PTPRN2: variants seen among roughly 807,000 people sequenced by gnomAD.
PTPRN2 encodes the protein receptor-type tyrosine-protein phosphatase N2.
Under a neutral mutation model 118.8 loss-of-function variants are expected in PTPRN2, and 74 were observed. The ratio of observed to expected loss-of-function variants is 0.62; its 90% confidence interval spans 0.52 to 0.76. The LOEUF (loss-of-function observed/expected upper bound fraction) is 0.76, where lower values mean the gene tolerates loss of function less well. PTPRN2 is among the 30% of genes least tolerant of loss of function. The pLI is 0.00. For synonymous variants in PTPRN2, 641 were observed against 608.0 expected (o/e 1.05, Z -0.80); for missense variants, 1,481 against 1,394.4 (o/e 1.06, Z -0.99).
At chr7:158,051,923 G>A (rs1410854972) in intron 11 of PTPRN2, among the ~76,000 whole-genome samples, 2 of 152,214 alleles carry the variant, frequency 1.3e-5, no homozygotes, top group African/African-American at 4.8e-5. Flanking sequence ...ACCTGGTAGA[G>A]AGCGAGGAAG....
At chr7:157,551,210 G>A (rs1344218363) in intron 21 of PTPRN2, among the ~76,000 whole-genome samples, 1 of 152,120 alleles carries the variant, frequency 6.6e-6, no homozygotes, top group East Asian at 1.9e-4. Context: ...ATTCGTGCTT[G>A]AGCCAAAACA....
At chr7:158,329,085 C>G (rs747563437) in intron 2 of PTPRN2, among the ~76,000 whole-genome samples, 21 of 152,184 alleles carry the variant, frequency 1.4e-4, no homozygotes, top group Non-Finnish European at 2.8e-4. Flanking sequence ...CCTGGGATGG[C>G]AAATCCAGCG....
chr7:157,744,390 C>T (rs986546151), intron 12 of PTPRN2, among the ~76,000 whole-genome samples: 2 of 152,266 alleles, frequency 1.3e-5, no homozygotes, highest in East Asian at 1.9e-4. Flanking sequence ...ACCTGGCGCC[C>T]GTTCAACAGA....
intron 13 of PTPRN2, among the ~76,000 whole-genome samples, chr7:157,679,367 C>A (rs929659666): frequency 6.6e-6 from 1 of 152,098 alleles, no homozygotes; most frequent in Non-Finnish European, 1.5e-5. Flanking sequence ...CCAGTCTGAG[C>A]AAATTAAACT....
At chr7:157,685,508 C>A (rs1382600885) in intron 12 of PTPRN2, among the ~76,000 whole-genome samples, 1 of 152,084 alleles carries the variant, frequency 6.6e-6, no homozygotes, top group African/African-American at 2.4e-5. Flanking sequence ...GGAAGGGGCA[C>A]AGGCGCTGCC....
intron 11 of PTPRN2, among the ~76,000 whole-genome samples, chr7:157,901,771 G>A (rs145128883): frequency 0.17 from 4,453 of 25,504 alleles, 184 homozygotes; most frequent in East Asian, 0.27. Context: ...TGGGTCCTGA[G>A]GCGGGGCCTT....
intron 1 of PTPRN2, among the ~76,000 whole-genome samples, chr7:158,549,247 G>A (rs1400905132): frequency 2.0e-5 from 3 of 152,298 alleles, no homozygotes; most frequent in South Asian, 4.1e-4. Context: ...AAAAGCTCCC[G>A]AAGTGAATCA....
Position 158,522,372 on chromosome 7 carries a change from C to CA in PTPRN2, c.113-32588_113-32587insT, listed in dbSNP as rs1328291116. ...ATGGTGGACTGTCCAGGTGCTGGCT[C>CA]GGGAGGGAGGTCCACGTCACAATGG... On this transcript the variant is annotated intron_variant, in intron 1 of 22. Coordinates refer to ENST00000389418, the MANE Select transcript of PTPRN2 (RefSeq NM_002847.5). 1.4e-4 allele frequency among the ~76,000 whole-genome samples: 19 copies of CA among 138,862 alleles called. 1 individual carries two copies. The highest frequency in any genetic ancestry group is 2.7e-5 in the African/African-American group (1 of 36,922). The allele number at this position is 138,862 out of a possible 152,430, so 91.1% of individuals were successfully genotyped here.
rs764145734 is a variant in PTPRN2, at chr7:158,138,489, C to A, written c.937G>T (p.Asp313Tyr). Residue 313 changes from aspartate to tyrosine, a missense_variant, in exon 7 of 23, where the codon GAC (aspartate) becomes TAC (tyrosine). Coordinates refer to ENST00000389418, the MANE Select transcript of PTPRN2 (RefSeq NM_002847.5). ...DGARIHTLLK[D>Y]LQRQPAEVRG... ...ACCTCAGCCGGCTGCCTCTGCAGGT[C>A]CTTCAGGAGGGTATGAATCCGTGCT... 1 of 1,612,626 alleles carries A rather than the reference C, an allele frequency of 6.2e-7. No homozygotes were observed. Among genetic ancestry groups the A allele is most frequent in the Non-Finnish European group, 8.5e-7 (1 of 1,180,032 alleles).
chr7:157,864,198 T>TC (rs916092614), intron 12 of PTPRN2: 9 of 152,060 alleles, frequency 5.9e-5, no homozygotes, highest in African/African-American at 1.9e-4. Context: ...TGTGAGTGCG[T>TC]CCCCCCATCC....
At chr7:158,125,515 CCTT>C (rs1193222476) in intron 9 of PTPRN2, among the ~76,000 whole-genome samples, 1 of 152,172 alleles carries the variant, frequency 6.6e-6, no homozygotes, top group Admixed American at 6.5e-5. Context: ...CTCCTTCTCG[CCTT>C]CTTCTCTTCT....
At chr7:158,196,423 G>A (rs1216818579) in intron 4 of PTPRN2, among the ~76,000 whole-genome samples, 1 of 152,172 alleles carries the variant, frequency 6.6e-6, no homozygotes, top group Non-Finnish European at 1.5e-5. Flanking sequence ...CCTCCACCAT[G>A]GGGGTCTGCC....
chr7:157,638,750 T>TG (rs1804487116), intron 14 of PTPRN2, among the ~76,000 whole-genome samples: 1 of 152,212 alleles, frequency 6.6e-6, no homozygotes, highest in Non-Finnish European at 1.5e-5. Context: ...TCACTCTTCT[T>TG]GCTGGGACTT....
intron 2 of PTPRN2, among the ~76,000 whole-genome samples, chr7:158,360,127 GA>G (rs1216677187): frequency 1.5e-5 from 1 of 68,246 alleles, no homozygotes; most frequent in Non-Finnish European, 2.9e-5. Context: ...CCTCACCCAG[GA>G]CGACGCACAG....
chr7:158,286,565 G>C (rs575436811), intron 3 of PTPRN2, among the ~76,000 whole-genome samples: 1 of 152,166 alleles, frequency 6.6e-6, no homozygotes, highest in Non-Finnish European at 1.5e-5. Flanking sequence ...TTTATTATGA[G>C]AGGATGTTGT....
At chr7:157,970,645 C>CCA (rs969224199) in intron 11 of PTPRN2, among the ~76,000 whole-genome samples, 2 of 150,770 alleles carry the variant, frequency 1.3e-5, no homozygotes, top group Non-Finnish European at 3.0e-5. Flanking sequence ...GACCCCCCCC[C>CCA]CCACAGGTTG....
intron 3 of PTPRN2, among the ~76,000 whole-genome samples, chr7:158,272,468 C>T (rs1381569915): frequency 6.6e-6 from 1 of 152,140 alleles, no homozygotes; most frequent in African/African-American, 2.4e-5. Flanking sequence ...GAATTTTAGG[C>T]ATTACTTACC....
At chr7:158,340,200 C>G (rs1806398841) in intron 2 of PTPRN2, among the ~76,000 whole-genome samples, 1 of 91,316 alleles carries the variant, frequency 1.1e-5, no homozygotes, top group Non-Finnish European at 2.5e-5. Flanking sequence ...CACCCACACT[C>G]TCACCATAAG....
chr7:157,588,596 A>G (rs1800809712), intron 17 of PTPRN2, among the ~76,000 whole-genome samples: 1 of 152,174 alleles, frequency 6.6e-6, no homozygotes, highest in Non-Finnish European at 1.5e-5. Flanking sequence ...AAGTCTCGGC[A>G]CCTGGAGAAA....
Sources: allele counts gnomAD v4.1 joint callset (sites outside exome capture counted in the v4.1 genomes callset), GRCh38; gene constraint gnomAD v4.1.1; transcripts MANE v1.5; gene names NCBI Gene and HGNC (gene_info 2026-07-23, HGNC 2026-07-21).